Variants in CUX1 observed in about 807,000 individuals in gnomAD.
CUX1 encodes protein CASP.
A neutral mutation model predicts 158.8 loss-of-function variants in CUX1; 31 were observed. That is an observed-to-expected ratio of 0.20 (90% CI 0.15 to 0.26). The LOEUF is 0.26. Ranked by LOEUF, CUX1 falls within the 10% of genes least tolerant of loss-of-function variation. The pLI is 1.00. For synonymous variants in CUX1, 879 were observed against 862.1 expected (o/e 1.02, Z -0.34); for missense variants, 1,589 against 2,014.6 (o/e 0.79, Z 4.04).
chr7:102,179,538 GTGC>G (rs1479879494), intron 11 of CUX1, among the ~76,000 whole-genome samples: 3 of 152,212 alleles, frequency 2.0e-5, no homozygotes, highest in Non-Finnish European at 1.5e-5. Context: ...CCCTGTCCAG[GTGC>G]TGCTTCAGTC....
At position 102,248,501 on chromosome 7, in the gene CUX1, GCGGC is replaced by G; in HGVS notation, c.3981_3984del (p.Ala1329ArgfsTer155). 1 of 1,559,752 alleles carries G rather than the reference GCGGC, an allele frequency of 6.4e-7. No individual in the cohort carries two copies. The highest frequency in any genetic ancestry group is 8.6e-7 in the Non-Finnish European group (1 of 1,156,414). On this transcript the variant is annotated frameshift_variant, in exon 24 of 24. Coordinates refer to ENST00000292535, the MANE Select transcript of CUX1 (RefSeq NM_181552.4). LOFTEE classifies it low-confidence loss of function (END_TRUNC). This position sits in a 1 kb window ranked among gnomAD's most constrained non-coding sequence, Gnocchi z 5.8. ...GCCAGCGACTCACCCTCGGCCCGCAGCGGCCGGGCGGCGCCCAGCTCGGAGGGCG... is the reference window on the plus strand; with the variant it reads ...GCCAGCGACTCACCCTCGGCCCGCAGCGGGCGGCGCCCAGCTCGGAGGGCG...
At chr7:102,216,778 T>C (rs1563426686) in intron 20 of CUX1, among the ~76,000 whole-genome samples, 1 of 86,816 alleles carries the variant, frequency 1.2e-5, no homozygotes, top group East Asian at 5.1e-4. Flanking sequence ...ACACACACTC[T>C]CCCACACACA....
At chr7:102,074,388 A>G (rs1826469066) in intron 4 of CUX1, among the ~76,000 whole-genome samples, 1 of 152,236 alleles carries the variant, frequency 6.6e-6, no homozygotes, top group Non-Finnish European at 1.5e-5. Flanking sequence ...GCGGAGCCAG[A>G]GTCTCACCCA....
At chr7:101,970,395 A>G (rs879587861) in intron 2 of CUX1, among the ~76,000 whole-genome samples, 2 of 152,082 alleles carry the variant, frequency 1.3e-5, no homozygotes. Flanking sequence ...TCCCACCTGC[A>G]GTTCCTAAAG....
chr7:102,030,780 G>C (rs1820701846), intron 3 of CUX1, among the ~76,000 whole-genome samples: 1 of 140,964 alleles, frequency 7.1e-6, no homozygotes, highest in Non-Finnish European at 1.5e-5. Context: ...CCACCTCCTG[G>C]GCTCAGCAAT....
intron 8 of CUX1, among the ~76,000 whole-genome samples, chr7:102,141,090 A>G (rs1554500079): frequency 6.6e-6 from 1 of 152,034 alleles, no homozygotes; most frequent in East Asian, 1.9e-4. Context: ...TCGTGGGGCC[A>G]GCAAGTCTGG....
intron 8 of CUX1, among the ~76,000 whole-genome samples, chr7:102,130,404 G>T (rs559033046): frequency 2.0e-5 from 3 of 152,256 alleles, no homozygotes; most frequent in African/African-American, 7.2e-5. Context: ...GTGTTGGCCG[G>T]GTAAGGTGGC....
chr7:101,822,697 T>G (rs1792804473), intron 1 of CUX1, among the ~76,000 whole-genome samples: 1 of 152,060 alleles, frequency 6.6e-6, no homozygotes, highest in South Asian at 2.1e-4. Context: ...GGTCAGAAGT[T>G]CGAGACCAGC....
intron 17 of CUX1, among the ~76,000 whole-genome samples, chr7:102,277,133 C>A (rs1377778864): frequency 6.6e-6 from 1 of 151,576 alleles, no homozygotes; most frequent in Non-Finnish European, 1.5e-5. Context: ...GACCCCGACT[C>A]TGCAAAAATA....
At chr7:102,173,527 G>A (rs529944127) in intron 10 of CUX1, among the ~76,000 whole-genome samples, 13 of 152,242 alleles carry the variant, frequency 8.5e-5, no homozygotes, top group African/African-American at 2.4e-4. Context: ...AGACAAACTG[G>A]ATCCAGCACC....
In CUX1 at chr7:102,064,495, C is replaced by T. The variant is rs186043697; in HGVS notation, c.190-5844C>T. Among the ~76,000 whole-genome samples, 40 of 152,030 alleles carry T rather than the reference C, an allele frequency of 2.6e-4. 1 individual carries two copies. Among genetic ancestry groups the T allele is most frequent in the Non-Finnish European group, 4.9e-4 (33 of 68,036 alleles). On this transcript the variant is annotated intron_variant, in intron 3 of 23. Coordinates refer to ENST00000292535, the MANE Select transcript of CUX1 (RefSeq NM_181552.4). Reference sequence around the variant, plus strand: ...CGTTTGCTCATTCACAGATCCCTCCCCTTCTCAGAGGGAGCTGTGTTACCA... The same window carrying T: ...CGTTTGCTCATTCACAGATCCCTCCTCTTCTCAGAGGGAGCTGTGTTACCA...
chr7:102,258,021 TG>T lies in CUX1; in HGVS notation c.*8981del. 1 of 984,884 alleles carries T rather than the reference TG, an allele frequency of 1.0e-6. No homozygotes were observed. Among genetic ancestry groups the T allele is most frequent in the Non-Finnish European group, 1.2e-6 (1 of 829,842 alleles). The allele number at this position is 984,884 out of a possible 1,614,324, so 61.0% of individuals were successfully genotyped here. A position where few individuals can be genotyped will look rare whatever the true frequency, so the allele number is the denominator to read the frequency against. ...TCTACATTAAGAGTCAAAGTTGACC[TG>T]GCTGGCGTGGGGGTGGGGGAGGCAC... On this transcript the variant is annotated 3_prime_UTR_variant, in exon 24 of 24. Transcript: ENST00000292535.
At chr7:102,277,856 G>A (rs1037923133) in intron 17 of CUX1, 2 of 717,246 alleles carry the variant, frequency 2.8e-6, no homozygotes, top group African/African-American at 1.8e-5. Flanking sequence ...GGAGAAGGCT[G>A]TGGGCACAGA....
At chr7:101,857,106 G>A (rs954106885) in intron 1 of CUX1, among the ~76,000 whole-genome samples, 1 of 152,180 alleles carries the variant, frequency 6.6e-6, no homozygotes, top group Non-Finnish European at 1.5e-5. Flanking sequence ...CCCGCCGCGG[G>A]CCACTTTTGG....
chr7:101,996,172 A>G (rs1815855085), intron 2 of CUX1, among the ~76,000 whole-genome samples: 1 of 152,008 alleles, frequency 6.6e-6, no homozygotes, highest in South Asian at 2.1e-4. Context: ...TGGTGATGAT[A>G]TCTGACCTTC....
chr7:101,973,392 C>T (rs566719717), intron 2 of CUX1, among the ~76,000 whole-genome samples: 1 of 152,320 alleles, frequency 6.6e-6, no homozygotes, highest in East Asian at 1.9e-4. Context: ...CACTGCCCCC[C>T]AGCCCTCCGC....
chr7:101,897,166 G>T (rs958263367), intron 1 of CUX1, among the ~76,000 whole-genome samples: 1 of 152,214 alleles, frequency 6.6e-6, no homozygotes, highest in East Asian at 1.9e-4. Context: ...TTTTAATGAG[G>T]TTTCAAACTC....
chr7:102,273,321 T>C, intron 14 of CUX1: 1 of 1,597,778 alleles, frequency 6.3e-7, no homozygotes, highest in East Asian at 2.2e-5. Flanking sequence ...GCACCAAGGG[T>C]CCCACCAGGC....
At position 102,282,792 on chromosome 7, in the gene CUX1, TG is replaced by T. The variant is rs782443982; in HGVS notation, c.1967+19del. ...GCGCCAAGAAGTGAGGACCCCCACT[TG>T]GGCCCCCCCTCAGCCCCACAGCGAG... On this transcript the variant is annotated intron_variant, in intron 22 of 22. Coordinates refer to the CUX1 transcript ENST00000292538. 1.0e-3 allele frequency: 1,620 copies of T among 1,598,478 alleles called. 2 individuals carry two copies. Among genetic ancestry groups the T allele is most frequent in the Non-Finnish European group, 9.6e-4 (1,126 of 1,172,548 alleles).
Sources: gnomAD v4.1 joint callset for allele counts (sites outside exome capture counted in the v4.1 genomes callset) on GRCh38, gnomAD v4.1.1 for gene constraint, Gnocchi (gnomAD v3.1) non-coding constraint, MANE v1.5 for transcripts, NCBI Gene and HGNC (gene_info 2026-07-23, HGNC 2026-07-21) for gene names.